Variants in GSTA3 observed in about 807,000 individuals in gnomAD.
GSTA3 encodes the protein glutathione S-transferase alpha 3.
GSTA3 carries 16 observed loss-of-function variants against 23.1 expected under a neutral mutation model. The observed-to-expected ratio is 0.69, with a 90% CI of 0.47 to 1.05. The LOEUF is 1.05. Among genes scored for constraint, GSTA3 ranks in the 50% least tolerant of loss-of-function variants. The probability of loss-of-function intolerance (pLI) is 0.00; values close to 1 mark genes in which losing one functional copy is unlikely to be tolerated. For synonymous variants in GSTA3, 122 were observed against 91.0 expected, an observed-to-expected ratio of 1.34 and a Z score of -1.94; for missense variants, 319 against 263.6, an observed-to-expected ratio of 1.21 and a Z score of -1.46.
At chr6:52,904,028 C>T (rs980617642) in intron 2 of GSTA3, among the ~76,000 whole-genome samples, 5 of 151,184 alleles carry the variant, frequency 3.3e-5, no homozygotes, top group Non-Finnish European at 7.4e-5. Flanking sequence ...ACTTTGTCGC[C>T]CAGGCTTAAG....
Position 52,904,648 on chromosome 6 carries a change from ATCT to A in GSTA3, c.88-924_88-922del, listed in dbSNP as rs1485244430. Among the ~76,000 whole-genome samples, 14 of 152,204 alleles carry A rather than the reference ATCT, an allele frequency of 9.2e-5. No homozygotes were observed. In the South Asian group the frequency reaches 2.3e-3, roughly 25 times the overall value. ...TTTCTGCTGACACCCGAGGGACAAG[ATCT>A]TCTGAGTTTTTCCATTACTTACTCT... On this transcript the variant is annotated intron_variant, in intron 2 of 6. Transcript: ENST00000211122.
chr6:52,900,663 T>C (rs1423975699), intron 4 of GSTA3, among the ~76,000 whole-genome samples: 2 of 152,190 alleles, frequency 1.3e-5, no homozygotes. Flanking sequence ...GTGACCTGTC[T>C]ACAGTCACAG....
At chr6:52,904,490 AG>A (rs1765822631) in intron 2 of GSTA3, among the ~76,000 whole-genome samples, 1 of 152,210 alleles carries the variant, frequency 6.6e-6, no homozygotes, top group African/African-American at 2.4e-5. Flanking sequence ...GGTTTGAGAA[AG>A]GTGAGTCCCA....
chr6:52,907,288 A>G lies in GSTA3; in HGVS notation c.-21-1433T>C, dbSNP rs1390251262. Among the ~76,000 whole-genome samples the G allele has an allele frequency of 5.8e-4, 69 of 118,126 alleles. 1 individual carries two copies. The highest frequency in any genetic ancestry group is 1.3e-4 in the Non-Finnish European group (8 of 59,992). 77.5% of individuals were successfully genotyped at this position (118,126 alleles called of 152,430 possible). On this transcript the variant is annotated intron_variant, in intron 1 of 6. Coordinates refer to ENST00000211122, the MANE Select transcript of GSTA3 (RefSeq NM_000847.5). ...CCACAATGAGATACCATCTCACACC[A>G]GTTAGAATGGCAATCATTAAAAAGT...
chr6:52,909,009 A>G (rs1230764103), intron 1 of GSTA3, among the ~76,000 whole-genome samples: 5 of 152,164 alleles, frequency 3.3e-5, no homozygotes, highest in African/African-American at 1.2e-4. Flanking sequence ...GGAGGGAAGA[A>G]GGAGGAGAAG....
intron 4 of GSTA3, among the ~76,000 whole-genome samples, chr6:52,901,062 CT>C (rs1561952881): frequency 6.6e-6 from 1 of 152,090 alleles, no homozygotes; most frequent in Non-Finnish European, 1.5e-5. Context: ...TTTAGGAAAC[CT>C]TTTTTTCTTT....
At chr6:52,908,404 ACC>A (rs1056400905) in intron 1 of GSTA3, among the ~76,000 whole-genome samples, 6 of 152,184 alleles carry the variant, frequency 3.9e-5, no homozygotes, top group African/African-American at 1.4e-4. Context: ...AGTCCCAGAT[ACC>A]CAGGAGGCTG....
At chr6:52,907,657 G>A (rs973324595) in intron 1 of GSTA3, among the ~76,000 whole-genome samples, 16 of 152,040 alleles carry the variant, frequency 1.1e-4, no homozygotes, top group Admixed American at 2.0e-4. Flanking sequence ...AAAATGATGA[G>A]TTCATGTCCT....
intron 2 of GSTA3, among the ~76,000 whole-genome samples, chr6:52,904,478 T>C (rs1278810194): frequency 6.6e-6 from 1 of 152,082 alleles, no homozygotes; most frequent in Non-Finnish European, 1.5e-5. Context: ...TATTTCCTCA[T>C]AGGTTTGAGA....
intron 2 of GSTA3, among the ~76,000 whole-genome samples, chr6:52,905,490 G>A (rs918347858): frequency 1.3e-5 from 2 of 151,816 alleles, no homozygotes; most frequent in African/African-American, 4.8e-5. Context: ...TGCAAATAAG[G>A]TCCACTCATT....
chr6:52,897,744 TG>T, intron 6 of GSTA3, 80 bp downstream of exon 6: 2 of 1,525,310 alleles, frequency 1.3e-6, no homozygotes, highest in Non-Finnish European at 1.8e-6. Flanking sequence ...GGTCAGAACA[TG>T]GCCAGTCCAA....
At chr6:52,901,761 C>G (rs1208142434) in intron 4 of GSTA3, among the ~76,000 whole-genome samples, 1 of 152,192 alleles carries the variant, frequency 6.6e-6, no homozygotes, top group East Asian at 1.9e-4. Flanking sequence ...AGTGAGGAGA[C>G]CCCATGGCTT....
intron 1 of GSTA3, among the ~76,000 whole-genome samples, chr6:52,906,499 C>A (rs1015863357): frequency 6.6e-6 from 1 of 152,174 alleles, no homozygotes; most frequent in Non-Finnish European, 1.5e-5. Context: ...GAGCCCGCAT[C>A]ATCAAGTCAA....
At chr6:52,901,294 C>A (rs1221189057) in intron 4 of GSTA3, among the ~76,000 whole-genome samples, 1 of 152,204 alleles carries the variant, frequency 6.6e-6, no homozygotes, top group Non-Finnish European at 1.5e-5. Context: ...AACCCCAAAC[C>A]TTTTAGCTTC....
intron 1 of GSTA3, among the ~76,000 whole-genome samples, chr6:52,907,652 G>T (rs1157947744): frequency 6.6e-6 from 1 of 151,932 alleles, no homozygotes. Context: ...CATAAAAAAT[G>T]ATGAGTTCAT....
intron 5 of GSTA3, 113 bp downstream of exon 5, chr6:52,899,821 G>C: frequency 1.1e-6 from 1 of 949,482 alleles, no homozygotes; most frequent in Non-Finnish European, 1.7e-6. Context: ...AGCTGAATTG[G>C]TGTTCAGGAA....
At chr6:52,909,274 G>A (rs1765991184) in intron 1 of GSTA3, among the ~76,000 whole-genome samples, 6 of 152,104 alleles carry the variant, frequency 3.9e-5, no homozygotes, top group African/African-American at 1.4e-4. Context: ...ATTGTGTGTT[G>A]ACTCCTGTGA....
chr6:52,909,048 G>A (rs1765984987), intron 1 of GSTA3, among the ~76,000 whole-genome samples: 3 of 152,200 alleles, frequency 2.0e-5, no homozygotes, highest in Admixed American at 1.3e-4. Context: ...GCTGCTTGGT[G>A]CTCAATCACA....
In GSTA3 at chr6:52,899,915, G is replaced by A. The variant is rs775312906; in HGVS notation, c.414+19C>T. On this transcript the variant is annotated intron_variant, in intron 5 of 6. Coordinates refer to ENST00000211122, the MANE Select transcript of GSTA3 (RefSeq NM_000847.5). ...GCCTCTAAACTCAGTGCCCCAAAAT[G>A]CTGAACAGCTTCACCTACTTTTTCG... 4.2e-5 allele frequency: 67 copies of A among 1,613,278 alleles called. No individual in the cohort carries two copies. The South Asian group carries it at 7.4e-4, about 18-fold the overall frequency.
Sources: allele counts gnomAD v4.1 joint callset (sites outside exome capture counted in the v4.1 genomes callset), GRCh38; gene constraint gnomAD v4.1.1; transcripts MANE v1.5; gene names NCBI Gene and HGNC (gene_info 2026-07-23, HGNC 2026-07-21).